JAKMIP3: variants seen among roughly 807,000 people sequenced by gnomAD.
JAKMIP3 encodes the protein Janus kinase and microtubule interacting protein 3, also known as janus kinase and microtubule-interacting protein 3.
A neutral mutation model predicts 118.5 loss-of-function variants in JAKMIP3; 58 were observed. The ratio of observed to expected loss-of-function variants is 0.49; its 90% CI spans 0.40 to 0.61. The LOEUF (loss-of-function observed/expected upper bound fraction) is 0.61. Ranked by LOEUF, JAKMIP3 falls within the 20% of genes least tolerant of loss-of-function variation. The pLI is 0.00. For missense variants in JAKMIP3, 950 were observed against 1,109.0 expected, an observed-to-expected ratio of 0.86 and a Z score of 2.04; for synonymous variants, 486 against 451.2, an observed-to-expected ratio of 1.08 and a Z score of -0.98.
intron 1 of JAKMIP3, among the ~76,000 whole-genome samples, chr10:132,046,812 A>G (rs1164167665): frequency 6.6e-6 from 1 of 152,220 alleles, no homozygotes; most frequent in African/African-American, 2.4e-5. Flanking sequence ...TATCTGGGCC[A>G]AGCTTGAGGA....
intron 1 of JAKMIP3, among the ~76,000 whole-genome samples, chr10:132,069,674 T>C (rs949122867): frequency 6.6e-6 from 1 of 152,094 alleles, no homozygotes; most frequent in Non-Finnish European, 1.5e-5. Flanking sequence ...GGCAGGTGCA[T>C]AGCACCTGAT....
intron 23 of JAKMIP3, among the ~76,000 whole-genome samples, chr10:132,180,730 C>CGTGTGCGTGT (rs1565021440): frequency 8.1e-4 from 7 of 8,674 alleles, no homozygotes; most frequent in Admixed American, 1.5e-3. Flanking sequence ...CGTGTGTGTG[C>CGTGTGCGTGT]GTGTGTGCGT....
chr10:132,159,580 GTGTGATGCTGGGGGCATGTCTTCCTA>G (rs1338562787), intron 19 of JAKMIP3, among the ~76,000 whole-genome samples: 70 of 121,296 alleles, frequency 5.8e-4, no homozygotes, highest in Admixed American at 1.0e-3. Context: ...GTGTCTCCCT[GTGTGATGCTGGGGGCATGTCTTCCTA>G]TGTGATGCTG....
intron 2 of JAKMIP3, among the ~76,000 whole-genome samples, chr10:132,106,110 G>A (rs1414669308): frequency 6.6e-6 from 1 of 152,124 alleles, no homozygotes; most frequent in Non-Finnish European, 1.5e-5. Context: ...CAAGGTGGGA[G>A]GATAGCTTGA....
chr10:132,173,240 C>G (rs1484189612), intron 23 of JAKMIP3, among the ~76,000 whole-genome samples: 1 of 115,424 alleles, frequency 8.7e-6, no homozygotes, highest in Non-Finnish European at 1.8e-5. Flanking sequence ...ACCTACCTAT[C>G]TATTGCTGTT....
intron 16 of JAKMIP3, 50 bp from the exon 17 acceptor site, chr10:132,152,908 C>T (rs992137766): frequency 1.1e-5 from 16 of 1,452,890 alleles, no homozygotes; most frequent in African/African-American, 1.4e-5. Context: ...TCACCCTCAC[C>T]CCCAAAGGCA....
chr10:132,036,816 G>A (rs954622950), intron 1 of JAKMIP3, among the ~76,000 whole-genome samples: 20 of 151,832 alleles, frequency 1.3e-4, no homozygotes, highest in African/African-American at 4.6e-4. Flanking sequence ...TCCGGGACGC[G>A]GGCGCCCTGG....
At chr10:132,107,535 C>G (rs2046098157) in intron 2 of JAKMIP3, among the ~76,000 whole-genome samples, 1 of 152,200 alleles carries the variant, frequency 6.6e-6, no homozygotes, top group Non-Finnish European at 1.5e-5. Flanking sequence ...GGAGAAGAAG[C>G]CTGTTTGCCT....
chr10:132,061,168 A>AGCACACACACACCTGCCGTGACGGC (rs879618610), upstream of JAKMIP3, among the ~76,000 whole-genome samples: 11 of 151,654 alleles, frequency 7.3e-5, no homozygotes, highest in East Asian at 1.9e-4. Flanking sequence ...AGGTATCAAT[A>AGCACACACACACCTGCCGTGACGGC]GCACACACAC....
intron 1 of JAKMIP3, among the ~76,000 whole-genome samples, chr10:132,076,487 G>A (rs1318499401): frequency 6.6e-6 from 1 of 152,264 alleles, no homozygotes; most frequent in Non-Finnish European, 1.5e-5. Flanking sequence ...GTGTGTTTTT[G>A]TGTGGACTTG....
At chr10:132,109,034 G>GTA (rs896179521) in intron 2 of JAKMIP3, among the ~76,000 whole-genome samples, 1 of 140,034 alleles carries the variant, frequency 7.1e-6, no homozygotes, top group Non-Finnish European at 1.5e-5. Flanking sequence ...AATTATATAT[G>GTA]TATATATATA....
At chr10:132,058,319 G>C (rs1027418097) in intron 1 of JAKMIP3, among the ~76,000 whole-genome samples, 2 of 152,238 alleles carry the variant, frequency 1.3e-5, no homozygotes, top group Non-Finnish European at 2.9e-5. Flanking sequence ...ACAGGGCTCT[G>C]GAAGTAGCCC....
chr10:132,163,485 C>T (rs550848625), intron 20 of JAKMIP3, 73 bp downstream of exon 20: 2 of 1,364,242 alleles, frequency 1.5e-6, no homozygotes, highest in Non-Finnish European at 2.0e-6. Flanking sequence ...GGGGGTCCTC[C>T]CACGGCCACA....
At chr10:132,155,002 AT>A (rs2056873598) in intron 19 of JAKMIP3, among the ~76,000 whole-genome samples, 1 of 7,490 alleles carries the variant, frequency 1.3e-4, no homozygotes, top group Non-Finnish European at 3.1e-4. Flanking sequence ...GGTGATTATG[AT>A]GATGATGATA....
chr10:132,073,341 G>A (rs555782513), intron 1 of JAKMIP3, among the ~76,000 whole-genome samples: 13 of 151,896 alleles, frequency 8.6e-5, no homozygotes, highest in East Asian at 3.9e-4. Context: ...GCCTGCCACC[G>A]GGCCTGGCTA....
At chr10:132,177,748 TTGG>T (rs562863266) in intron 23 of JAKMIP3, among the ~76,000 whole-genome samples, 87 of 134,062 alleles carry the variant, frequency 6.5e-4, no homozygotes, top group African/African-American at 2.4e-3. Flanking sequence ...CACACTGCAT[TTGG>T]TGGTGTGTGT....
At chr10:132,175,694 C>G (rs2060080060) in intron 23 of JAKMIP3, among the ~76,000 whole-genome samples, 1 of 152,212 alleles carries the variant, frequency 6.6e-6, no homozygotes, top group African/African-American at 2.4e-5. Context: ...GGGTCACAGA[C>G]TGCCGCCTCC....
chr10:132,049,249 G>A lies in JAKMIP3; in HGVS notation c.-138+12511G>A, dbSNP rs771484526. Among the ~76,000 whole-genome samples the A allele has an allele frequency of 6.6e-6, 1 of 152,124 alleles. No homozygotes were observed. On this transcript the variant is annotated intron_variant, in intron 1 of 23. Transcript: ENST00000657785. This position sits in a 1 kb window ranked among gnomAD's most constrained non-coding sequence, Gnocchi z 4.3. Reference sequence around the variant, plus strand: ...TGTTTCTATGTAGGGACGGTCTTCCGGGAGCACAGCTATAGCTATGAGCAC... The same window carrying A: ...TGTTTCTATGTAGGGACGGTCTTCCAGGAGCACAGCTATAGCTATGAGCAC...
chr10:132,102,038 G>A (rs12221203), intron 1 of JAKMIP3, among the ~76,000 whole-genome samples: 35,483 of 151,936 alleles, frequency 0.23, 4,856 homozygotes, highest in African/African-American at 0.39. Context: ...AGTGTCAGCT[G>A]GTGTCTCCCC....
Sources: allele counts gnomAD v4.1 joint callset (sites outside exome capture counted in the v4.1 genomes callset), GRCh38; gene constraint gnomAD v4.1.1; non-coding constraint Gnocchi (gnomAD v3.1); transcripts MANE v1.5; gene names NCBI Gene and HGNC (gene_info 2026-07-23, HGNC 2026-07-21).